IKZF1: variants seen among roughly 807,000 people sequenced by gnomAD.
IKZF1 encodes IKAROS family zinc finger 1.
In IKZF1, 10 loss-of-function variants were observed where a neutral mutation model predicts 51.7. That is an observed-to-expected ratio of 0.19 (90% confidence interval 0.12 to 0.33). The LOEUF (loss-of-function observed/expected upper bound fraction) is 0.33, where lower values mean the gene tolerates loss of function less well. Among genes scored for constraint, IKZF1 ranks in the 10% least tolerant of loss-of-function variants. IKZF1 has a pLI of 1.00. For synonymous variants in IKZF1, 280 were observed against 282.3 expected (o/e 0.99, Z 0.08); for missense variants, 484 against 707.5 (o/e 0.68, Z 3.58).
At chr7:50,378,618 G>A (rs1164344981) in intron 4 of IKZF1, among the ~76,000 whole-genome samples, 2 of 152,194 alleles carry the variant, frequency 1.3e-5, no homozygotes, top group African/African-American at 4.8e-5. Context: ...TGCCTGCCTT[G>A]ATAAAAAGAA....
intron 1 of IKZF1, among the ~76,000 whole-genome samples, chr7:50,316,176 A>T (rs1005871413): frequency 6.6e-6 from 1 of 152,168 alleles, no homozygotes; most frequent in African/African-American, 2.4e-5. Flanking sequence ...ATGATGTCAG[A>T]CGAGTCAGGC....
intron 3 of IKZF1, among the ~76,000 whole-genome samples, chr7:50,373,321 A>T (rs534230101): frequency 4.3e-4 from 66 of 152,332 alleles, no homozygotes; most frequent in African/African-American, 1.5e-3. Flanking sequence ...GAGCATGCCA[A>T]AGAATCCCAG....
At chr7:50,381,577 C>A (rs545571055) in intron 4 of IKZF1, among the ~76,000 whole-genome samples, 2 of 152,220 alleles carry the variant, frequency 1.3e-5, no homozygotes, top group Non-Finnish European at 2.9e-5. Context: ...AATGGAGACA[C>A]AGGTGCTGCC....
At chr7:50,338,948 C>A (rs1798413586) in intron 3 of IKZF1, among the ~76,000 whole-genome samples, 1 of 152,236 alleles carries the variant, frequency 6.6e-6, no homozygotes, top group Non-Finnish European at 1.5e-5. Context: ...ACTCAGAAAG[C>A]ATGCTCCGGT....
At chr7:50,364,881 G>C (rs1413424944) in intron 3 of IKZF1, among the ~76,000 whole-genome samples, 1 of 152,198 alleles carries the variant, frequency 6.6e-6, no homozygotes, top group Non-Finnish European at 1.5e-5. Flanking sequence ...AGGTCCCTGA[G>C]GGGGCAGGGC....
At position 50,404,892 on chromosome 7, in the gene IKZF1, C is replaced by G. The variant is rs536181995; in HGVS notation, c.*4265C>G. ...TTTCTGATCTCCTGGAAACAGCTGC[C>G]TGCCTGCATTGCACTTCTCTTCCCG... On this transcript the variant is annotated 3_prime_UTR_variant, in exon 8 of 8. Coordinates refer to ENST00000331340, the MANE Select transcript of IKZF1 (RefSeq NM_006060.6). 4.6e-6 allele frequency: 1 copy of G among 218,316 alleles called. No individual in the cohort carries two copies. Among genetic ancestry groups the G allele is most frequent in the African/African-American group, 2.2e-5 (1 of 44,560 alleles). The allele number at this position is 218,316 out of a possible 1,614,324, so 13.5% of individuals were successfully genotyped here. A position where few individuals can be genotyped will look rare whatever the true frequency, so the allele number is the denominator to read the frequency against.
Position 50,385,035 on chromosome 7 carries a change from T to G in IKZF1, c.590-2310T>G, listed in dbSNP as rs550893795. ...CTGGCTCCAGGCCTATGTATTTCAT[T>G]TGAGGCATGATGGTTTCCTATTCTA... On this transcript the variant is annotated intron_variant, in intron 5 of 7. Transcript: ENST00000331340. 2.6e-5 allele frequency among the ~76,000 whole-genome samples: 4 copies of G among 152,320 alleles called. No homozygotes were observed. In the East Asian group the frequency reaches 7.7e-4, roughly 29 times the overall value.
intron 3 of IKZF1, among the ~76,000 whole-genome samples, chr7:50,336,731 G>T (rs2153407827): frequency 6.6e-6 from 1 of 152,326 alleles, no homozygotes; most frequent in South Asian, 2.1e-4. Flanking sequence ...CAGTGATTCT[G>T]CTGAATGCAA....
intron 3 of IKZF1, among the ~76,000 whole-genome samples, chr7:50,373,471 G>A (rs1780947576): frequency 1.3e-5 from 2 of 152,110 alleles, no homozygotes; most frequent in African/African-American, 4.8e-5. Context: ...GCCGCGTAGG[G>A]GAACATGCCA....
chr7:50,366,729 C>A (rs1250341874), intron 3 of IKZF1, among the ~76,000 whole-genome samples: 1 of 152,176 alleles, frequency 6.6e-6, no homozygotes, highest in Non-Finnish European at 1.5e-5. Flanking sequence ...AACATCTTTG[C>A]TTTTTCTCCC....
chr7:50,388,837 G>A (rs996009586), intron 6 of IKZF1, among the ~76,000 whole-genome samples: 2 of 152,198 alleles, frequency 1.3e-5, no homozygotes, highest in African/African-American at 4.8e-5. Flanking sequence ...ATGGGTCTTG[G>A]AAGGAAGTGC....
At chr7:50,361,055 T>C (rs1424135310) in intron 3 of IKZF1, among the ~76,000 whole-genome samples, 1 of 152,224 alleles carries the variant, frequency 6.6e-6, no homozygotes, top group East Asian at 1.9e-4. Context: ...TTTTCACTTA[T>C]ATTGAGGACC....
intron 3 of IKZF1, among the ~76,000 whole-genome samples, chr7:50,334,513 G>GGTGTGT (rs1325151461): frequency 6.6e-6 from 1 of 151,358 alleles, no homozygotes; most frequent in Non-Finnish European, 1.5e-5. Flanking sequence ...GTATGTGTGT[G>GGTGTGT]GTGTGTGTGT....
upstream of IKZF1, chr7:50,304,062 C>CCGAGCGGGCCCGGCGCGGG (rs1274773325): frequency 7.1e-6 from 1 of 141,546 alleles, no homozygotes; most frequent in Non-Finnish European, 1.6e-5. Context: ...CGGCGGCGCG[C>CCGAGCGGGCCCGGCGCGGG]CGAGCGGGCC....
chr7:50,328,977 G>T (rs1795772529), intron 3 of IKZF1: 1 of 151,494 alleles, frequency 6.6e-6, no homozygotes, highest in South Asian at 2.1e-4. Flanking sequence ...GGAGGCTGAG[G>T]CAGGAGAATG....
chr7:50,392,604 C>T (rs1306107639), intron 7 of IKZF1, among the ~76,000 whole-genome samples: 1 of 152,112 alleles, frequency 6.6e-6, no homozygotes, highest in Non-Finnish European at 1.5e-5. Flanking sequence ...TGGCTCTGCC[C>T]CTAGAGCCCT....
Position 50,400,256 on chromosome 7 carries a change from T to A in IKZF1, c.1189T>A (p.Ser397Thr), listed in dbSNP as rs2153518712. The change falls in exon 8 of 8, where the codon TCC (serine) becomes ACC (threonine). Residue 397 changes from serine to threonine, a missense_variant. Physicochemically the swap from Ser to Thr is moderately conservative, Grantham distance 58. This residue lies in a region of IKZF1 where 27 missense variants were observed against 56.8 expected (regional missense o/e 0.48). Coordinates refer to ENST00000331340, the MANE Select transcript of IKZF1 (RefSeq NM_006060.6). This position sits in a 1 kb window ranked among gnomAD's most constrained non-coding sequence, Gnocchi z 5.4. ...EASPSNSCQDSTDTESNNEEQ... is the reference protein window; with the variant it reads ...EASPSNSCQDTTDTESNNEEQ... ...GTCCCCGAGCAACAGCTGCCAAGAC[T>A]CCACGGACACCGAGAGCAACAACGA... 6.2e-7 allele frequency: 1 copy of A among 1,610,406 alleles called. No individual in the cohort carries two copies. The highest frequency in any genetic ancestry group is 8.5e-7 in the Non-Finnish European group (1 of 1,178,854).
At chr7:50,316,228 C>T (rs1035459898) in intron 1 of IKZF1, among the ~76,000 whole-genome samples, 6 of 152,242 alleles carry the variant, frequency 3.9e-5, no homozygotes, top group East Asian at 1.9e-4. Context: ...AAACTTGAGG[C>T]CTCTTGTTCA....
chr7:50,388,206 T>G (rs1204737058), intron 6 of IKZF1, among the ~76,000 whole-genome samples: 1 of 152,202 alleles, frequency 6.6e-6, no homozygotes, highest in East Asian at 1.9e-4. Context: ...GATAAGCAAT[T>G]TATAAAGAGA....
Sources: gnomAD v4.1 joint callset for allele counts (sites outside exome capture counted in the v4.1 genomes callset) on GRCh38, gnomAD v4.1.1 for gene constraint, gnomAD v4.1.1 regional missense constraint, Gnocchi (gnomAD v3.1) non-coding constraint, MANE v1.5 for transcripts, NCBI Gene and HGNC (gene_info 2026-07-23, HGNC 2026-07-21) for gene names.